Variants in TM9SF3 observed in about 807,000 individuals in gnomAD.
TM9SF3 encodes transmembrane 9 superfamily member 3.
Under a neutral mutation model 78.6 loss-of-function variants are expected in TM9SF3, and 14 were observed. That is an observed-to-expected ratio of 0.18 (90% CI 0.12 to 0.28). TM9SF3 has a LOEUF of 0.28. Among genes scored for constraint, TM9SF3 ranks in the 10% least tolerant of loss-of-function variants. The pLI is 1.00. For missense variants in TM9SF3, 496 were observed against 721.9 expected (o/e 0.69, Z 3.59); for synonymous variants, 231 against 241.7 (o/e 0.96, Z 0.41).
chr10:96,572,178 T>C (rs966905518), intron 2 of TM9SF3, among the ~76,000 whole-genome samples: 1 of 152,176 alleles, frequency 6.6e-6, no homozygotes, highest in African/African-American at 2.4e-5. Context: ...GCTATTAGTA[T>C]TCCTAATTAC....
At chr10:96,548,519 C>T (rs905516971) in intron 7 of TM9SF3, among the ~76,000 whole-genome samples, 8 of 151,936 alleles carry the variant, frequency 5.3e-5, no homozygotes, top group Admixed American at 2.0e-4. Context: ...ATTTTTAGGC[C>T]GCGCACAGTG....
chr10:96,558,377 C>G (rs933795682), intron 5 of TM9SF3, among the ~76,000 whole-genome samples: 1 of 152,068 alleles, frequency 6.6e-6, no homozygotes, highest in Non-Finnish European at 1.5e-5. Flanking sequence ...CGCGGTGGCT[C>G]ACGCCTGTAA....
At position 96,519,474 on chromosome 10, in the gene TM9SF3, C is replaced by T. The variant is rs1456663717; in HGVS notation, c.*2789G>A. ...ATCCCTCAGGCCATTACATTTCCAC[C>T]TTATCCTACTCTTGTATTAGGATAT... On this transcript the variant is annotated 3_prime_UTR_variant, in exon 15 of 15. Coordinates refer to ENST00000371142, the MANE Select transcript of TM9SF3 (RefSeq NM_020123.4). The T allele has an allele frequency of 6.6e-6, 1 of 151,956 alleles. No individual in the cohort carries two copies. The highest frequency in any genetic ancestry group is 1.5e-5 in the Non-Finnish European group (1 of 67,872). 9.4% of individuals were successfully genotyped at this position (151,956 alleles called of 1,614,324 possible).
chr10:96,527,958 G>T, intron 12 of TM9SF3, 73 bp downstream of exon 12: 2 of 1,458,792 alleles, frequency 1.4e-6, no homozygotes, highest in Non-Finnish European at 1.9e-6. Flanking sequence ...TACTCCACTT[G>T]ATAGATTTCA....
intron 9 of TM9SF3, among the ~76,000 whole-genome samples, chr10:96,541,409 T>A (rs1225632411): frequency 1.3e-5 from 2 of 151,906 alleles, no homozygotes; most frequent in African/African-American, 4.8e-5. Flanking sequence ...AGAGTCTCAC[T>A]CTGCCACCCA....
chr10:96,544,252 C>A (rs375963071), intron 8 of TM9SF3, 46 bp from the exon 9 acceptor site: 2 of 1,443,848 alleles, frequency 1.4e-6, no homozygotes, highest in Admixed American at 2.5e-5. Flanking sequence ...TTATTTAGTA[C>A]GAAATTATTT....
chr10:96,583,904 A>G (rs189421104), intron 1 of TM9SF3, among the ~76,000 whole-genome samples: 219 of 152,148 alleles, frequency 1.4e-3, no homozygotes, highest in African/African-American at 5.2e-3. Flanking sequence ...CATGGTGGCA[A>G]GCACCTGTAA....
chr10:96,531,982 G>A (rs1166842634), intron 10 of TM9SF3, among the ~76,000 whole-genome samples: 1 of 152,094 alleles, frequency 6.6e-6, no homozygotes, highest in African/African-American at 2.4e-5. Flanking sequence ...AGACCGAGGT[G>A]GGCAGATCAC....
chr10:96,520,385 A>AAGAAATCAT lies in TM9SF3; in HGVS notation c.*1869_*1877dup, dbSNP rs1342290276. 6.6e-6 allele frequency: 1 copy of AAGAAATCAT among 152,020 alleles called. No individual in the cohort carries two copies. Among genetic ancestry groups the AAGAAATCAT allele is most frequent in the African/African-American group, 2.4e-5 (1 of 41,436 alleles). 9.4% of individuals were successfully genotyped at this position (152,020 alleles called of 1,614,324 possible). The stretch of plus-strand genomic sequence containing the variant: ...ATCATATCAATCATACTTAAGTGGT[A>AAGAAATCAT]AGAAATCATACTTTTCACCTTTTAA... On this transcript the variant is annotated 3_prime_UTR_variant, in exon 15 of 15. Transcript: ENST00000371142.
intron 9 of TM9SF3, among the ~76,000 whole-genome samples, chr10:96,537,626 A>AC (rs965460380): frequency 6.6e-6 from 1 of 152,224 alleles, no homozygotes; most frequent in African/African-American, 2.4e-5. Flanking sequence ...TAAGGTCAGG[A>AC]GTTCGAGGCA....
At chr10:96,530,807 T>C (rs1222441940) in intron 10 of TM9SF3, among the ~76,000 whole-genome samples, 199 bp from the exon 11 acceptor site, 4 of 152,220 alleles carry the variant, frequency 2.6e-5, no homozygotes, top group African/African-American at 9.6e-5. Context: ...ACAATCAATA[T>C]TCTTTCTGCA....
At chr10:96,581,033 CA>C (rs1324758050) in intron 1 of TM9SF3, among the ~76,000 whole-genome samples, 1 of 152,134 alleles carries the variant, frequency 6.6e-6, no homozygotes, top group East Asian at 1.9e-4. Context: ...GTGTACAAAG[CA>C]ACTAAAGACA....
intron 1 of TM9SF3, among the ~76,000 whole-genome samples, chr10:96,583,087 A>C (rs1848590611): frequency 6.6e-6 from 1 of 151,690 alleles, no homozygotes; most frequent in Non-Finnish European, 1.5e-5. Context: ...TCTCAAAAAA[A>C]AAAAAAGAAA....
chr10:96,558,535 A>C (rs967187557), intron 5 of TM9SF3, among the ~76,000 whole-genome samples: 5 of 151,666 alleles, frequency 3.3e-5, no homozygotes, highest in Admixed American at 3.3e-4. Context: ...AATCCCAGCT[A>C]CTCGGGAGGC....
At chr10:96,558,258 C>T (rs991083807) in intron 5 of TM9SF3, among the ~76,000 whole-genome samples, 1 of 151,986 alleles carries the variant, frequency 6.6e-6, no homozygotes, top group East Asian at 1.9e-4. Flanking sequence ...GCATTATACT[C>T]GAGGAGAACA....
chr10:96,535,635 A>G lies in TM9SF3; in HGVS notation c.1186-2445T>C, dbSNP rs145085973. On this transcript the variant is annotated intron_variant, in intron 9 of 14. Transcript: ENST00000371142. ...TGAAAACCCTGGAACTCAAATTAATATGGGGCTCTCCTCTATTCCTCTAGT... is the reference window on the plus strand; with the variant it reads ...TGAAAACCCTGGAACTCAAATTAATGTGGGGCTCTCCTCTATTCCTCTAGT... Among the ~76,000 whole-genome samples the G allele has an allele frequency of 2.8e-3, 421 of 152,338 alleles. 2 individuals carry two copies. Among genetic ancestry groups the G allele is most frequent in the Admixed American group, 4.8e-3 (74 of 15,298 alleles).
chr10:96,527,373 T>G, intron 13 of TM9SF3, 40 bp downstream of exon 13: 1 of 1,593,848 alleles, frequency 6.3e-7, no homozygotes. Flanking sequence ...AGGACAAATT[T>G]AGTTTCCTAA....
At chr10:96,565,123 G>A (rs962223460) in intron 3 of TM9SF3, among the ~76,000 whole-genome samples, 181 bp downstream of exon 3, 1 of 152,072 alleles carries the variant, frequency 6.6e-6, no homozygotes, top group East Asian at 1.9e-4. Flanking sequence ...GTAAGGCATG[G>A]CAATGTCAAA....
rs561611174 is a variant in TM9SF3 at position 96,530,889 on chromosome 10, G to A, written c.1326-281C>T. On this transcript the variant is annotated intron_variant, in intron 10 of 14. Coordinates refer to ENST00000371142, the MANE Select transcript of TM9SF3 (RefSeq NM_020123.4). ...GCAGAACTTCAAAAAGTCTCTAAGT[G>A]TTCCCTCTGGTTCTACTAGACTCCC... Among the ~76,000 whole-genome samples, 8 of 152,298 alleles carry A rather than the reference G, an allele frequency of 5.3e-5. No homozygotes were observed. In the South Asian group the frequency reaches 1.7e-3, roughly 32 times the overall value.
Sources: gnomAD v4.1 joint callset for allele counts (sites outside exome capture counted in the v4.1 genomes callset) on GRCh38, gnomAD v4.1.1 for gene constraint, MANE v1.5 for transcripts, NCBI Gene and HGNC (gene_info 2026-07-23, HGNC 2026-07-21) for gene names.